HS6ST3: variants seen among roughly 807,000 people sequenced by gnomAD.
HS6ST3 encodes the protein heparan sulfate 6-O-sulfotransferase 3, also known as heparan-sulfate 6-O-sulfotransferase 3.
HS6ST3 carries 12 observed loss-of-function variants against 36.7 expected under a neutral mutation model. The ratio of observed to expected loss-of-function variants is 0.33; its 90% CI spans 0.21 to 0.53. The LOEUF (loss-of-function observed/expected upper bound fraction) is 0.53, where lower values mean the gene tolerates loss of function less well. Among genes scored for constraint, HS6ST3 ranks in the 20% least tolerant of loss-of-function variants. The pLI, the probability that HS6ST3 is intolerant of heterozygous loss-of-function variation, is 0.95. For synonymous variants in HS6ST3, 240 were observed against 257.5 expected, an observed-to-expected ratio of 0.93 and a Z score of 0.65; for missense variants, 584 against 640.9, an observed-to-expected ratio of 0.91 and a Z score of 0.96.
At chr13:96,703,572 T>A (rs756322083) in intron 1 of HS6ST3, among the ~76,000 whole-genome samples, 1 of 152,186 alleles carries the variant, frequency 6.6e-6, no homozygotes, top group Non-Finnish European at 1.5e-5. Context: ...TTCACCAGCA[T>A]CAATGTTACC....
chr13:96,473,349 C>T (rs1449351392), intron 1 of HS6ST3, among the ~76,000 whole-genome samples: 1 of 152,190 alleles, frequency 6.6e-6, no homozygotes, highest in Non-Finnish European at 1.5e-5. Context: ...AAGAGTTTAT[C>T]TTTATCTGAG....
chr13:96,790,513 A>G (rs948626465), intron 1 of HS6ST3, among the ~76,000 whole-genome samples: 1 of 152,090 alleles, frequency 6.6e-6, no homozygotes, highest in Non-Finnish European at 1.5e-5. Context: ...AAATGAGAGA[A>G]AAACTGAACA....
intron 1 of HS6ST3, among the ~76,000 whole-genome samples, chr13:96,123,271 G>A (rs569781724): frequency 5.9e-5 from 9 of 152,194 alleles, no homozygotes; most frequent in South Asian, 2.1e-4. Flanking sequence ...TATCCATGCC[G>A]TTTGTTTTGC....
chr13:96,557,486 T>G (rs1011313059), intron 1 of HS6ST3, among the ~76,000 whole-genome samples: 2 of 152,192 alleles, frequency 1.3e-5, no homozygotes, highest in Non-Finnish European at 2.9e-5. Flanking sequence ...ACCTTCCTGA[T>G]CTTTCAATGA....
chr13:96,140,517 G>A (rs904469347), intron 1 of HS6ST3, among the ~76,000 whole-genome samples: 2 of 152,144 alleles, frequency 1.3e-5, no homozygotes, highest in Non-Finnish European at 2.9e-5. Context: ...TAGTGATGCT[G>A]GAAGTGGTCC....
chr13:96,405,978 T>C (rs1319659435), intron 1 of HS6ST3, among the ~76,000 whole-genome samples: 1 of 152,222 alleles, frequency 6.6e-6, no homozygotes, highest in African/African-American at 2.4e-5. Context: ...CTCACCTTTT[T>C]CCATTAAGAC....
intron 1 of HS6ST3, among the ~76,000 whole-genome samples, chr13:96,535,482 C>T (rs1039625842): frequency 4.1e-5 from 6 of 146,098 alleles, no homozygotes; most frequent in Non-Finnish European, 6.0e-5. Context: ...CTCTTGAACC[C>T]GGGAGATGGA....
intron 1 of HS6ST3, among the ~76,000 whole-genome samples, chr13:96,803,552 T>C (rs1191315347): frequency 6.6e-6 from 1 of 152,160 alleles, no homozygotes; most frequent in Admixed American, 6.5e-5. Context: ...TGAGAAAATA[T>C]GTTTTGTTTT....
chr13:96,303,490 A>C (rs1327765441), intron 1 of HS6ST3, among the ~76,000 whole-genome samples: 4 of 152,320 alleles, frequency 2.6e-5, no homozygotes, highest in Non-Finnish European at 5.9e-5. Context: ...ATTCATTTCA[A>C]TAGCAAATAT....
At chr13:96,760,099 C>G (rs558006071) in intron 1 of HS6ST3, among the ~76,000 whole-genome samples, 60 of 151,834 alleles carry the variant, frequency 4.0e-4, no homozygotes, top group Non-Finnish European at 6.9e-4. Flanking sequence ...GTAATGGGAG[C>G]CTTCAGATTA....
chr13:96,474,330 G>A (rs756848867), intron 1 of HS6ST3, among the ~76,000 whole-genome samples: 7 of 152,150 alleles, frequency 4.6e-5, no homozygotes, highest in South Asian at 2.1e-4. Context: ...AGGTGACGAT[G>A]GTGTATTAGC....
intron 1 of HS6ST3, among the ~76,000 whole-genome samples, chr13:96,518,168 A>G (rs1319614459): frequency 1.3e-5 from 2 of 152,170 alleles, no homozygotes; most frequent in African/African-American, 4.8e-5. Flanking sequence ...TTTCCTTGAA[A>G]TGCTTCCTTT....
chr13:96,600,023 A>G (rs936908334), intron 1 of HS6ST3, among the ~76,000 whole-genome samples: 2 of 151,988 alleles, frequency 1.3e-5, no homozygotes, highest in Admixed American at 1.3e-4. Flanking sequence ...ATTTTTAAAG[A>G]TTTATTGAGA....
chr13:96,218,820 T>C lies in HS6ST3; in HGVS notation c.707+127251T>C, dbSNP rs536912622. Among the ~76,000 whole-genome samples, 3 of 152,306 alleles carry C rather than the reference T, an allele frequency of 2.0e-5. No homozygotes were observed. The South Asian group carries it at 6.2e-4, about 32-fold the overall frequency. On this transcript the variant is annotated intron_variant, in intron 1 of 1. Coordinates refer to ENST00000376705, the MANE Select transcript of HS6ST3 (RefSeq NM_153456.4). Reference sequence around the variant, plus strand: ...ACCATTCTTTTTCAATTGAGGCCTGTACTGCTCTTGGCAAGGATCATCTCT... The same window carrying C: ...ACCATTCTTTTTCAATTGAGGCCTGCACTGCTCTTGGCAAGGATCATCTCT...
intron 1 of HS6ST3, among the ~76,000 whole-genome samples, chr13:96,094,142 G>A (rs1481218635): frequency 1.3e-5 from 2 of 152,140 alleles, no homozygotes; most frequent in Non-Finnish European, 1.5e-5. Flanking sequence ...GTACCCAGGA[G>A]TAAGTTACTT....
chr13:96,228,409 C>A (rs1270239815), intron 1 of HS6ST3, among the ~76,000 whole-genome samples: 1 of 152,064 alleles, frequency 6.6e-6, no homozygotes, highest in Non-Finnish European at 1.5e-5. Context: ...GGGATTACAG[C>A]CAGCTGCCAC....
At chr13:96,172,304 A>G (rs1465651663) in intron 1 of HS6ST3, among the ~76,000 whole-genome samples, 4 of 152,216 alleles carry the variant, frequency 2.6e-5, no homozygotes, top group African/African-American at 4.8e-5. Flanking sequence ...AGGGTATATC[A>G]TGCAGTCCAG....
chr13:96,122,669 A>G (rs187965451), intron 1 of HS6ST3, among the ~76,000 whole-genome samples: 3 of 152,336 alleles, frequency 2.0e-5, no homozygotes, highest in East Asian at 3.9e-4. Flanking sequence ...AGGATAGTAT[A>G]CAAGTGGGGT....
intron 1 of HS6ST3, among the ~76,000 whole-genome samples, chr13:96,306,106 CT>C (rs5805960): frequency 1.8e-3 from 233 of 130,240 alleles, no homozygotes; most frequent in Middle Eastern, 3.8e-3. Flanking sequence ...TTTTCTTTTT[CT>C]TTTTTTTTTT....
Sources: gnomAD v4.1 joint callset for allele counts (sites outside exome capture counted in the v4.1 genomes callset) on GRCh38, gnomAD v4.1.1 for gene constraint, MANE v1.5 for transcripts, NCBI Gene and HGNC (gene_info 2026-07-23, HGNC 2026-07-21) for gene names.